Variants in BBX observed in about 807,000 individuals in gnomAD.
BBX encodes the protein BBX high mobility group box domain containing.
BBX carries 30 observed loss-of-function variants against 100.2 expected under a neutral mutation model. The ratio of observed to expected loss-of-function variants is 0.30; its 90% CI spans 0.22 to 0.41. BBX has a LOEUF of 0.41. Among genes scored for constraint, BBX ranks in the 10% least tolerant of loss-of-function variants. The pLI, the probability that BBX is intolerant of heterozygous loss-of-function variation, is 1.00. For synonymous variants in BBX, 376 were observed against 388.1 expected (o/e 0.97, Z 0.37); for missense variants, 1,023 against 1,129.8 (o/e 0.91, Z 1.35).
chr3:107,627,400 T>C (rs1013756668), intron 2 of BBX, among the ~76,000 whole-genome samples: 1 of 152,208 alleles, frequency 6.6e-6, no homozygotes, highest in Non-Finnish European at 1.5e-5. Flanking sequence ...GTTGAGATTG[T>C]TATTGTAATT....
intron 2 of BBX, among the ~76,000 whole-genome samples, chr3:107,549,798 A>C (rs1460684456): frequency 6.6e-6 from 1 of 151,608 alleles, no homozygotes; most frequent in Non-Finnish European, 1.5e-5. Context: ...TCCTAATAGC[A>C]GTCAGGTGAG....
intron 5 of BBX, among the ~76,000 whole-genome samples, chr3:107,717,743 A>G (rs1229167601): frequency 6.6e-6 from 1 of 152,170 alleles, no homozygotes; most frequent in East Asian, 1.9e-4. Context: ...ATTTGGAATT[A>G]ATGTGAGACC....
intron 3 of BBX, among the ~76,000 whole-genome samples, chr3:107,679,331 A>C (rs934320121): frequency 6.6e-6 from 1 of 152,162 alleles, no homozygotes. Context: ...TGGAATTTAC[A>C]TATCATGGTA....
rs544834998 is a variant in BBX at position 107,558,137 on chromosome 3, C to G, written c.-84+31739C>G. ...GGGTTCTGCTAAAATCGAGCTTCAG[C>G]AGGATACTTCAGGGAGCTTTGGAGT... On this transcript the variant is annotated intron_variant, in intron 2 of 17. Coordinates refer to ENST00000325805, the MANE Select transcript of BBX (RefSeq NM_001142568.3). 1.1e-3 allele frequency among the ~76,000 whole-genome samples: 172 copies of G among 152,314 alleles called. 2 individuals are homozygous for G. Among genetic ancestry groups the G allele is most frequent in the Non-Finnish European group, 1.1e-3 (77 of 68,028 alleles).
chr3:107,706,022 CT>C (rs35648451), intron 3 of BBX, among the ~76,000 whole-genome samples: 2,229 of 128,814 alleles, frequency 0.017, 38 homozygotes, highest in African/African-American at 0.058. Context: ...GAGCTTGCTA[CT>C]TTTTTTTTTT....
At chr3:107,664,832 C>T (rs1327584162) in intron 3 of BBX, among the ~76,000 whole-genome samples, 1 of 152,196 alleles carries the variant, frequency 6.6e-6, no homozygotes, top group African/African-American at 2.4e-5. Flanking sequence ...GGACTATTTG[C>T]AAGCTGCAGC....
intron 3 of BBX, chr3:107,659,723 G>C (rs764262525): frequency 7.8e-7 from 1 of 1,283,590 alleles, no homozygotes; most frequent in South Asian, 1.2e-5. Flanking sequence ...TCACATGTTT[G>C]GGTATCCTTT....
intron 2 of BBX, among the ~76,000 whole-genome samples, chr3:107,634,571 C>A (rs2056742055): frequency 6.6e-6 from 1 of 152,074 alleles, no homozygotes; most frequent in Admixed American, 6.5e-5. Context: ...CTTGAAGATT[C>A]CCCAAAATTT....
At chr3:107,733,902 A>G (rs140967257) in intron 7 of BBX, among the ~76,000 whole-genome samples, 2 of 152,142 alleles carry the variant, frequency 1.3e-5, no homozygotes, top group African/African-American at 4.8e-5. Flanking sequence ...AACCATGCAC[A>G]GTCTGCATTT....
intron 2 of BBX, among the ~76,000 whole-genome samples, chr3:107,604,782 C>T (rs1354869423): frequency 1.6e-5 from 2 of 125,958 alleles, no homozygotes; most frequent in Admixed American, 1.9e-4. Context: ...TACATTTTTC[C>T]TTTTGAAACA....
At chr3:107,543,617 C>T (rs184349546) in intron 2 of BBX, among the ~76,000 whole-genome samples, 280 of 152,266 alleles carry the variant, frequency 1.8e-3, no homozygotes, top group Non-Finnish European at 2.2e-3. Flanking sequence ...CCTGTGAAAA[C>T]AGAGCAAGAA....
chr3:107,778,245 C>A (rs2067488449), intron 12 of BBX, 126 bp from the exon 13 acceptor site: 5 of 1,186,122 alleles, frequency 4.2e-6, no homozygotes, highest in Non-Finnish European at 1.2e-6. Context: ...TTTCCTTGCA[C>A]AGAATTTACT....
intron 2 of BBX, among the ~76,000 whole-genome samples, chr3:107,621,097 G>GT (rs1460859877): frequency 2.0e-5 from 3 of 151,970 alleles, no homozygotes; most frequent in South Asian, 2.1e-4. Context: ...AAGGGCCACA[G>GT]TTTTTTTTCT....
intron 2 of BBX, among the ~76,000 whole-genome samples, chr3:107,620,139 TG>T (rs139839235): frequency 0.12 from 17,590 of 152,164 alleles, 1,356 homozygotes; most frequent in Middle Eastern, 0.19. Flanking sequence ...TCTCCTTTAC[TG>T]ATCTTTTTGC....
At chr3:107,665,120 C>T (rs2058671855) in intron 3 of BBX, among the ~76,000 whole-genome samples, 1 of 152,112 alleles carries the variant, frequency 6.6e-6, no homozygotes. Context: ...TCTGCAGTTT[C>T]CCAGGAAATA....
intron 4 of BBX, among the ~76,000 whole-genome samples, chr3:107,713,009 C>T (rs2061832565): frequency 6.6e-6 from 1 of 152,222 alleles, no homozygotes; most frequent in Admixed American, 6.5e-5. Flanking sequence ...TAGGTATCCA[C>T]ACAGCATTCC....
At chr3:107,750,241 T>A (rs1494498) in intron 9 of BBX, among the ~76,000 whole-genome samples, 60,979 of 151,912 alleles carry the variant, frequency 0.4, 13,148 homozygotes, top group East Asian at 0.92. Flanking sequence ...ACAGCACTCA[T>A]CTCCTGAGGA....
Position 107,773,703 on chromosome 3 carries a change from G to A in BBX, c.1915+67G>A, listed in dbSNP as rs1576741884. On this transcript the variant is annotated intron_variant, in intron 11 of 17. Coordinates refer to ENST00000325805, the MANE Select transcript of BBX (RefSeq NM_001142568.3). The surrounding 1 kb of genome is among the most constrained non-coding windows in gnomAD (Gnocchi z 4.1). ...ACAGAATTTCACCTTTAGACCTATT[G>A]AAAACAACTGCCATAAAAAACAATA... The A allele has an allele frequency of 7.2e-7, 1 of 1,383,640 alleles. No individual in the cohort carries two copies. Among genetic ancestry groups the A allele is most frequent in the Non-Finnish European group, 9.7e-7 (1 of 1,026,004 alleles). 85.7% of individuals were successfully genotyped at this position (1,383,640 alleles called of 1,614,324 possible).
chr3:107,807,454 G>GA lies in BBX; in HGVS notation c.*1998dup, dbSNP rs2071117198. 6.6e-6 allele frequency: 1 copy of GA among 152,054 alleles called. No individual in the cohort carries two copies. The highest frequency in any genetic ancestry group is 1.5e-5 in the Non-Finnish European group (1 of 67,998). The allele number at this position is 152,054 out of a possible 1,614,324, so 9.4% of individuals were successfully genotyped here. On this transcript the variant is annotated 3_prime_UTR_variant, in exon 18 of 18. Transcript: ENST00000325805. ...TGAATGTTTGAAATTGCTGGGTCCC[G>GA]ATGTTGGTGGCTGTTGGAGTTTTGG...
Sources: gnomAD v4.1 joint callset for allele counts (sites outside exome capture counted in the v4.1 genomes callset) on GRCh38, gnomAD v4.1.1 for gene constraint, Gnocchi (gnomAD v3.1) non-coding constraint, MANE v1.5 for transcripts, NCBI Gene and HGNC (gene_info 2026-07-23, HGNC 2026-07-21) for gene names.